TMEM196: variants seen among roughly 807,000 people sequenced by gnomAD.
TMEM196 encodes transmembrane protein 196.
Under a neutral mutation model 20.0 loss-of-function variants are expected in TMEM196, and 17 were observed. The ratio of observed to expected loss-of-function variants is 0.85; its 90% CI spans 0.58 to 1.27. The LOEUF is 1.27. Ranked by LOEUF, TMEM196 falls within the 50% of genes most tolerant of loss-of-function variation. The probability of loss-of-function intolerance (pLI) is 0.00; values close to 1 mark genes in which losing one functional copy is unlikely to be tolerated. For synonymous variants in TMEM196, 113 were observed against 88.9 expected (o/e 1.27, Z -1.52); for missense variants, 267 against 223.0 (o/e 1.20, Z -1.26).
chr7:19,755,771 T>C (rs1400634913), intron 1 of TMEM196, among the ~76,000 whole-genome samples: 3 of 152,172 alleles, frequency 2.0e-5, no homozygotes, highest in African/African-American at 7.2e-5. Flanking sequence ...GGCTTATGCC[T>C]ATATTCCAGC....
chr7:19,739,490 T>C (rs757544036), intron 1 of TMEM196, among the ~76,000 whole-genome samples: 1 of 152,118 alleles, frequency 6.6e-6, no homozygotes, highest in African/African-American at 2.4e-5. Flanking sequence ...AGAGAGCTTG[T>C]CCATCTCTTC....
At chr7:19,731,578 C>T (rs901475694) in intron 1 of TMEM196, among the ~76,000 whole-genome samples, 2 of 152,174 alleles carry the variant, frequency 1.3e-5, no homozygotes, top group African/African-American at 2.4e-5. Flanking sequence ...AGAACTCATT[C>T]GAAAAGAATT....
At chr7:19,734,519 G>T (rs1462286617) in intron 1 of TMEM196, among the ~76,000 whole-genome samples, 1 of 152,184 alleles carries the variant, frequency 6.6e-6, no homozygotes, top group Non-Finnish European at 1.5e-5. Flanking sequence ...AATCACAAGG[G>T]TCATTTAAGA....
At chr7:19,747,514 T>C (rs1784804005) in intron 1 of TMEM196, among the ~76,000 whole-genome samples, 1 of 152,168 alleles carries the variant, frequency 6.6e-6, no homozygotes, top group East Asian at 1.9e-4. Context: ...GCTAAACATT[T>C]TGCACACATC....
At chr7:19,738,910 G>C (rs1433864963) in intron 1 of TMEM196, among the ~76,000 whole-genome samples, 1 of 152,082 alleles carries the variant, frequency 6.6e-6, no homozygotes, top group African/African-American at 2.4e-5. Flanking sequence ...CACACGTAAT[G>C]ATTTTCTTCG....
chr7:19,760,427 C>G (rs1179572369), intron 1 of TMEM196, among the ~76,000 whole-genome samples: 1 of 116,100 alleles, frequency 8.6e-6, no homozygotes, highest in East Asian at 3.1e-4. Context: ...GTGACATGAT[C>G]TTGGCTCAAT....
At chr7:19,752,677 C>T (rs949413179) in intron 1 of TMEM196, among the ~76,000 whole-genome samples, 2 of 151,666 alleles carry the variant, frequency 1.3e-5, no homozygotes, top group African/African-American at 2.4e-5. Flanking sequence ...TGCAGTGGCC[C>T]GATCTTGGCT....
At chr7:19,754,883 G>A (rs1785141013) in intron 1 of TMEM196, among the ~76,000 whole-genome samples, 1 of 151,986 alleles carries the variant, frequency 6.6e-6, no homozygotes, top group African/African-American at 2.4e-5. Flanking sequence ...CTCATTTTTA[G>A]CAGGCATTTC....
intron 1 of TMEM196, among the ~76,000 whole-genome samples, chr7:19,747,614 C>A (rs755398430): frequency 2.0e-5 from 3 of 152,130 alleles, no homozygotes; most frequent in African/African-American, 7.2e-5. Context: ...GCAGAGTTGG[C>A]GTTTGAACTT....
At chr7:19,751,359 T>G (rs1328393281) in intron 1 of TMEM196, among the ~76,000 whole-genome samples, 1 of 152,188 alleles carries the variant, frequency 6.6e-6, no homozygotes, top group Non-Finnish European at 1.5e-5. Flanking sequence ...AGGTTTGGAA[T>G]ATAAAACCAG....
intron 1 of TMEM196, among the ~76,000 whole-genome samples, chr7:19,733,769 C>T (rs769002334): frequency 1.3e-5 from 2 of 152,108 alleles, no homozygotes; most frequent in Non-Finnish European, 2.9e-5. Flanking sequence ...GCAGGAGCCT[C>T]TCGCCCAAGA....
chr7:19,744,709 C>A (rs769747650), intron 1 of TMEM196, among the ~76,000 whole-genome samples: 74 of 152,216 alleles, frequency 4.9e-4, no homozygotes, highest in Non-Finnish European at 7.6e-4. Context: ...TCAAGAATGA[C>A]CCCAAATGGA....
chr7:19,753,478 C>A (rs1254966002), intron 1 of TMEM196, among the ~76,000 whole-genome samples: 1 of 152,070 alleles, frequency 6.6e-6, no homozygotes, highest in Non-Finnish European at 1.5e-5. Context: ...CTTTTCAACC[C>A]ATGTTTTTAA....
chr7:19,768,401 C>T (rs1440855532), intron 1 of TMEM196, among the ~76,000 whole-genome samples: 1 of 151,990 alleles, frequency 6.6e-6, no homozygotes, highest in African/African-American at 2.4e-5. Flanking sequence ...TTCCAAATCT[C>T]AACCTACAGC....
intron 1 of TMEM196, among the ~76,000 whole-genome samples, chr7:19,765,305 C>T (rs534308324): frequency 2.6e-4 from 40 of 152,126 alleles, no homozygotes; most frequent in African/African-American, 7.7e-4. Flanking sequence ...CAATAGATTA[C>T]GAACTAATGG....
chr7:19,720,397 G>A lies in TMEM196; in HGVS notation c.*1731C>T, dbSNP rs967994051. On this transcript the variant is annotated 3_prime_UTR_variant, in exon 5 of 5. Coordinates refer to ENST00000405844, the MANE Select transcript of TMEM196 (RefSeq NM_001363562.2). ...AACTTGAATGATCATTACTGTGTTA[G>A]CACAATTAAAACTCATGTTTTGTTT... 3 of 151,896 alleles carry A rather than the reference G, an allele frequency of 2.0e-5. No homozygotes were observed. The highest frequency in any genetic ancestry group is 4.4e-5 in the Non-Finnish European group (3 of 67,858). 9.4% of individuals were successfully genotyped at this position (151,896 alleles called of 1,614,324 possible). A position where few individuals can be genotyped will look rare whatever the true frequency, so the allele number is the denominator to read the frequency against.
intron 1 of TMEM196, among the ~76,000 whole-genome samples, chr7:19,747,021 C>T (rs1583440179): frequency 6.6e-6 from 1 of 151,880 alleles, no homozygotes. Context: ...TTTGGGAGGC[C>T]GAGGCGGGCG....
intron 1 of TMEM196, among the ~76,000 whole-genome samples, chr7:19,755,294 CT>C (rs1447805743): frequency 1.6e-4 from 25 of 152,228 alleles, no homozygotes; most frequent in African/African-American, 5.8e-4. Context: ...TTTTAAACTC[CT>C]CCTGGTCGAC....
chr7:19,752,406 AC>A (rs1472091659), intron 1 of TMEM196, among the ~76,000 whole-genome samples: 1 of 151,986 alleles, frequency 6.6e-6, no homozygotes, highest in African/African-American at 2.4e-5. Flanking sequence ...GTGTGCCATT[AC>A]TTTTATATCC....
Sources: allele counts gnomAD v4.1 joint callset (sites outside exome capture counted in the v4.1 genomes callset), GRCh38; gene constraint gnomAD v4.1.1; transcripts MANE v1.5; gene names NCBI Gene and HGNC (gene_info 2026-07-23, HGNC 2026-07-21).